RYR1: variants seen among roughly 807,000 people sequenced by gnomAD.
The protein encoded by RYR1 is ryanodine receptor 1.
RYR1 carries 342 observed loss-of-function variants against 583.5 expected under a neutral mutation model. The ratio of observed to expected loss-of-function variants is 0.59; its 90% CI spans 0.54 to 0.64. The LOEUF is 0.64. RYR1 is among the 30% of genes least tolerant of loss of function. RYR1 has a pLI of 0.00. For synonymous variants in RYR1, 2,791 were observed against 2,822.5 expected, an observed-to-expected ratio of 0.99 and a Z score of 0.35; for missense variants, 6,032 against 6,917.2, an observed-to-expected ratio of 0.87 and a Z score of 4.54.
chr19:38,481,407 A>G (rs930669878), intron 31 of RYR1, among the ~76,000 whole-genome samples: 2 of 151,976 alleles, frequency 1.3e-5, no homozygotes, highest in African/African-American at 2.4e-5. Flanking sequence ...AGAATATAAA[A>G]CGTGCTGGGA....
intron 88 of RYR1, 89 bp from the exon 89 acceptor site, chr19:38,548,143 TG>T: frequency 7.2e-7 from 1 of 1,395,044 alleles, no homozygotes; most frequent in Non-Finnish European, 1.0e-6. Context: ...TCCAGCAGCG[TG>T]GTGGCTCCTG....
Position 38,566,928 on chromosome 19 carries a change from G to C in RYR1, c.13455G>C (p.Glu4485Asp). Residue 4485 changes from glutamate to aspartate, a missense_variant, in exon 92 of 106, where the codon GAG becomes GAC. Physicochemically the swap from Glu to Asp is conservative, Grantham distance 45 (BLOSUM62 2). Around this residue, in one of 11 missense-constraint regions of RYR1, gnomAD observed 753 missense variants for 759.6 expected, o/e 0.99. Transcript: ENST00000359596. The stretch of plus-strand genomic sequence containing the variant: ...GTCCCTAGGTGGATGGAGTGGAGGA[G>C]GAGCTCCCGCCAGAGCCAGAGCCCG... ...KRKLGVDGVE[E>D]ELPPEPEPEP... 6.2e-7 allele frequency: 1 copy of C among 1,606,136 alleles called. No individual in the cohort carries two copies. Among genetic ancestry groups the C allele is most frequent in the Non-Finnish European group, 8.5e-7 (1 of 1,176,726 alleles).
In RYR1 at chr19:38,504,783, T is replaced by G. The variant is rs1420295287; in HGVS notation, c.8103T>G (p.Pro2701=). ...CGGAGCTGTACCGCATGGCCATGCC[T>G]TGTCTGTGCGCCATTGCCGGGGCTC... The part of the protein sequence containing the change: ...YDPELYRMAM[P]CLCAIAGALP... The change falls in exon 51 of 106, where the codon CCT becomes CCG. Residue 2701 remains proline, a synonymous_variant. Transcript: ENST00000359596. 6.2e-7 allele frequency: 1 copy of G among 1,614,030 alleles called. No homozygotes were observed. The highest frequency in any genetic ancestry group is 1.3e-5 in the African/African-American group (1 of 74,918).
At chr19:38,539,731 T>C (rs1399791503) in intron 84 of RYR1, among the ~76,000 whole-genome samples, 2 of 152,162 alleles carry the variant, frequency 1.3e-5, no homozygotes, top group Admixed American at 1.3e-4. Context: ...ATTTGAAATA[T>C]CTTTCAAATC....
At chr19:38,583,312 A>G (rs1046948504) in intron 101 of RYR1, among the ~76,000 whole-genome samples, 1 of 150,892 alleles carries the variant, frequency 6.6e-6, no homozygotes, top group Non-Finnish European at 1.5e-5. Flanking sequence ...AAAAAAAAAA[A>G]AGAAAAAAGT....
At chr19:38,448,583 C>T (rs2145361005) in intron 10 of RYR1, 66 bp from the exon 11 acceptor site, 1 of 1,614,078 alleles carries the variant, frequency 6.2e-7, no homozygotes, top group Non-Finnish European at 8.5e-7. Flanking sequence ...TCTGCAGTCC[C>T]TCAGGGGGGC....
chr19:38,492,652 A>T lies in RYR1; in HGVS notation c.6274+16A>T. 1 of 1,565,692 alleles carries T rather than the reference A, an allele frequency of 6.4e-7. No homozygotes were observed. Among genetic ancestry groups the T allele is most frequent in the Non-Finnish European group, 8.7e-7 (1 of 1,147,036 alleles). ...AGCAAACCCCGTGAGGACTGGGGTC[A>T]CTGGGGAGAGGGCAGGGGTGGGGTG... On this transcript the variant is annotated intron_variant, in intron 38 of 105. Coordinates refer to ENST00000359596, the MANE Select transcript of RYR1 (RefSeq NM_000540.3).
At chr19:38,489,616 T>C (rs1969461671) in intron 35 of RYR1, among the ~76,000 whole-genome samples, 173 bp downstream of exon 35, 1 of 152,162 alleles carries the variant, frequency 6.6e-6, no homozygotes, top group Non-Finnish European at 1.5e-5. Context: ...GATGAGACCA[T>C]GGAGAAGGCA....
intron 2 of RYR1, among the ~76,000 whole-genome samples, chr19:38,441,649 G>A (rs1972691003): frequency 6.7e-6 from 1 of 149,936 alleles, no homozygotes; most frequent in South Asian, 2.1e-4. Context: ...GGAGACTGGG[G>A]GCTGAGAGGT....
chr19:38,495,331 C>A (rs1368439525), intron 39 of RYR1, among the ~76,000 whole-genome samples: 1 of 152,074 alleles, frequency 6.6e-6, no homozygotes, highest in Non-Finnish European at 1.5e-5. Flanking sequence ...TTATTAAGCA[C>A]CTACTTCGTG....
In RYR1 at chr19:38,530,430, ATT is replaced by A. The variant is rs142263877; in HGVS notation, c.11141+1388_11141+1389del. ...CAGGCACGTGCCTCCATGCCTGGCT[ATT>A]TTTTTTTTTTTTTTCTGGTAGAGAT... On this transcript the variant is annotated intron_variant, in intron 76 of 105. Coordinates refer to ENST00000359596, the MANE Select transcript of RYR1 (RefSeq NM_000540.3). Among the ~76,000 whole-genome samples the A allele has an allele frequency of 2.6e-3, 339 of 128,626 alleles. 2 individuals carry two copies. The highest frequency in any genetic ancestry group is 8.6e-3 in the African/African-American group (292 of 33,850). The allele number at this position is 128,626 out of a possible 152,430, so 84.4% of individuals were successfully genotyped here.
intron 11 of RYR1, among the ~76,000 whole-genome samples, chr19:38,449,497 CAG>C (rs200673513): frequency 6.6e-6 from 1 of 152,052 alleles, no homozygotes; most frequent in Non-Finnish European, 1.5e-5. Context: ...AAAACAAAAA[CAG>C]AGAGAGTGAG....
rs1966899604 is a variant in RYR1, at chr19:38,448,402, A to G, written c.848A>G (p.His283Arg). ...TGGGGCCAGCCACTCCGAGTCCGGC[A>G]TGTCACTACCGGGCAGTACCTAGCG... ...LRWGQPLRVR[H>R]VTTGQYLALT... The change falls in exon 10 of 106, where the codon CAT becomes CGT. Residue 283 changes from histidine to arginine, a missense_variant. By Grantham distance (29) the His-to-Arg change is conservative. Transcript: ENST00000359596. 2 of 1,612,612 alleles carry G rather than the reference A, an allele frequency of 1.2e-6. No homozygotes were observed. The highest frequency in any genetic ancestry group is 1.7e-5 in the Admixed American group (1 of 60,004).
At position 38,464,648 on chromosome 19, in the gene RYR1, G is replaced by A; in HGVS notation, c.2796G>A (p.Leu932=). ...ACTCCCCCACCCCCAGGACTCTGCT[G>A]GCTCTGGGCTGCCACGTGGGCATGG... ...QMSGETLKTL[L]ALGCHVGMAD... Residue 932 remains leucine, a synonymous_variant, in exon 23 of 106, where the codon CTG becomes CTA. Transcript: ENST00000359596. 1 of 1,585,588 alleles carries A rather than the reference G, an allele frequency of 6.3e-7. No homozygotes were observed. The highest frequency in any genetic ancestry group is 8.6e-7 in the Non-Finnish European group (1 of 1,165,828).
rs1433105709 is a variant in RYR1 at position 38,496,120 on chromosome 19, G to A, written c.6549-95G>A. ...AAGGCGGTGGTGCTAGGCACAGAGT[G>A]AGAGGGTCAAGAATGCCAACGCTGT... On this transcript the variant is annotated intron_variant, in intron 39 of 105. Coordinates refer to ENST00000359596, the MANE Select transcript of RYR1 (RefSeq NM_000540.3). This position sits in a 1 kb window ranked among gnomAD's most constrained non-coding sequence, Gnocchi z 4.8. The A allele has an allele frequency of 9.9e-6, 10 of 1,010,260 alleles. No individual in the cohort carries two copies. Among genetic ancestry groups the A allele is most frequent in the Non-Finnish European group, 1.2e-5 (8 of 646,444 alleles). The allele number at this position is 1,010,260 out of a possible 1,614,324, so 62.6% of individuals were successfully genotyped here.
chr19:38,452,266 G>A (rs770866921), intron 12 of RYR1, among the ~76,000 whole-genome samples: 2 of 151,666 alleles, frequency 1.3e-5, no homozygotes, highest in African/African-American at 2.4e-5. Context: ...GTGAAACCCT[G>A]TCTCTATAAA....
chr19:38,447,733 T>G (rs749427881), intron 9 of RYR1, among the ~76,000 whole-genome samples: 9 of 150,942 alleles, frequency 6.0e-5, no homozygotes, highest in Non-Finnish European at 1.0e-4. Flanking sequence ...TCCCAGCTTC[T>G]CGGGAGGCTG....
rs1300378722 is a variant in RYR1 at position 38,578,025 on chromosome 19, C to G, written c.14280C>G (p.Asn4760Lys). 1 of 1,614,136 alleles carries G rather than the reference C, an allele frequency of 6.2e-7. No homozygotes were observed. Among genetic ancestry groups the G allele is most frequent in the Non-Finnish European group, 8.5e-7 (1 of 1,180,010 alleles). ...EITAHNERKP[N>K]PPPGLLTWLM... ...CAGCCCACAATGAGCGCAAGCCCAACCCGCCGCCAGGGCTGCTGACCTGGT... is the reference window on the plus strand; with the variant it reads ...CAGCCCACAATGAGCGCAAGCCCAAGCCGCCGCCAGGGCTGCTGACCTGGT... The change falls in exon 98 of 106, where the codon AAC (asparagine) becomes AAG (lysine). Residue 4760 changes from asparagine (N) to lysine (K), a missense_variant. Physicochemically the swap from Asn to Lys is moderately conservative, Grantham distance 94. Coordinates refer to ENST00000359596, the MANE Select transcript of RYR1 (RefSeq NM_000540.3).
intron 1 of RYR1, among the ~76,000 whole-genome samples, chr19:38,440,487 T>C (rs1972620281): frequency 6.6e-6 from 1 of 151,990 alleles, no homozygotes; most frequent in Non-Finnish European, 1.5e-5. Flanking sequence ...TGCAGTGGGC[T>C]GAGATTGCAC....
Sources: gnomAD v4.1 joint callset for allele counts (sites outside exome capture counted in the v4.1 genomes callset) on GRCh38, gnomAD v4.1.1 for gene constraint, gnomAD v4.1.1 regional missense constraint, Gnocchi (gnomAD v3.1) non-coding constraint, MANE v1.5 for transcripts, NCBI Gene and HGNC (gene_info 2026-07-23, HGNC 2026-07-21) for gene names.